DOCK4: variants seen among roughly 807,000 people sequenced by gnomAD.
DOCK4 encodes the protein dedicator of cytokinesis protein 4.
In DOCK4, 97 loss-of-function variants were observed where a neutral mutation model predicts 268.1. That is an observed-to-expected ratio of 0.36 (90% confidence interval 0.31 to 0.43). The LOEUF (loss-of-function observed/expected upper bound fraction) is 0.43, where lower values mean the gene tolerates loss of function less well. Ranked by LOEUF, DOCK4 falls within the 20% of genes least tolerant of loss-of-function variation. The pLI is 1.00. For synonymous variants in DOCK4, 954 were observed against 887.2 expected (o/e 1.08, Z -1.34); for missense variants, 2,145 against 2,455.7 (o/e 0.87, Z 2.67).
intron 52 of DOCK4, among the ~76,000 whole-genome samples, chr7:111,729,686 G>A (rs959294147): frequency 1.3e-5 from 2 of 152,150 alleles, no homozygotes; most frequent in African/African-American, 2.4e-5. Flanking sequence ...CACTTTCCCA[G>A]CTCAGCAGGG....
chr7:111,891,669 C>T (rs182493213), intron 16 of DOCK4, among the ~76,000 whole-genome samples: 12 of 152,284 alleles, frequency 7.9e-5, no homozygotes, highest in African/African-American at 2.9e-4. Context: ...TATTGCCAAA[C>T]TGCCCTCCAG....
At chr7:111,859,562 A>ATTTTT (rs140285833) in intron 23 of DOCK4, among the ~76,000 whole-genome samples, 1 of 102,176 alleles carries the variant, frequency 9.8e-6, no homozygotes, top group African/African-American at 4.6e-5. Flanking sequence ...GTGTGTGTTA[A>ATTTTT]TTTTTTTTTT....
At chr7:111,873,223 C>T (rs1343802587) in intron 17 of DOCK4, among the ~76,000 whole-genome samples, 1 of 152,220 alleles carries the variant, frequency 6.6e-6, no homozygotes, top group Non-Finnish European at 1.5e-5. Flanking sequence ...CTCTTTAACC[C>T]TTTCCTAAAC....
At chr7:112,159,203 C>A (rs1816872421) in intron 1 of DOCK4, among the ~76,000 whole-genome samples, 1 of 152,106 alleles carries the variant, frequency 6.6e-6, no homozygotes, top group Non-Finnish European at 1.5e-5. Flanking sequence ...CTCTACAAAA[C>A]CCTACCACCA....
In DOCK4 at chr7:111,760,135, G is replaced by A. The variant is rs754793206; in HGVS notation, c.4162+46C>T. ...TTGCATGGAAATGCTCTGCAGCTAA[G>A]AGCCAGTGCAATCTCACTGAGTCCA... is the stretch of plus-strand genomic sequence containing the variant. On this transcript the variant is annotated intron_variant, in intron 40 of 52. Transcript: ENST00000428084. 3.1e-6 allele frequency: 5 copies of A among 1,600,838 alleles called. No homozygotes were observed. The South Asian group carries it at 4.4e-5, about 14-fold the overall frequency.
At chr7:112,043,117 G>C (rs1183745964) in intron 1 of DOCK4, among the ~76,000 whole-genome samples, 1 of 151,982 alleles carries the variant, frequency 6.6e-6, no homozygotes, top group Non-Finnish European at 1.5e-5. Flanking sequence ...CAGGTATTCT[G>C]TTATAGCAAC....
intron 1 of DOCK4, among the ~76,000 whole-genome samples, chr7:112,079,932 G>A (rs1190479503): frequency 6.6e-6 from 1 of 151,994 alleles, no homozygotes; most frequent in East Asian, 1.9e-4. Flanking sequence ...CTGAATAATG[G>A]GTATAAATCT....
chr7:111,977,227 G>C lies in DOCK4; in HGVS notation c.606C>G (p.Leu202=). The change falls in exon 8 of 53, where the codon CTC becomes CTG. Residue 202 remains leucine, a synonymous_variant. Transcript: ENST00000428084. The stretch of plus-strand genomic sequence containing the variant: ...ACATGAGGCTCTTCATCTGGACAAA[G>C]AGGTGGTGACTGCTGGCCTGCACCG... ...DTPVQASSHH[L]FVQMKSLMCS... is the part of the protein sequence containing the mutation. 6.2e-7 allele frequency: 1 copy of C among 1,611,342 alleles called. No homozygotes were observed. Among genetic ancestry groups the C allele is most frequent in the East Asian group, 2.2e-5 (1 of 44,820 alleles).
chr7:111,790,403 T>C (rs1161977873), intron 31 of DOCK4, 54 bp downstream of exon 31: 1 of 1,584,106 alleles, frequency 6.3e-7, no homozygotes. Context: ...AGTTCACAGA[T>C]GCTTCAGGAG....
At chr7:111,808,792 T>G (rs1319521895) in intron 30 of DOCK4, 29 bp downstream of exon 30, 1 of 1,605,190 alleles carries the variant, frequency 6.2e-7, no homozygotes, top group Non-Finnish European at 8.5e-7. Context: ...AGCTGTATAG[T>G]AGATGTGGCT....
chr7:112,143,912 G>A (rs1425272191), intron 1 of DOCK4, among the ~76,000 whole-genome samples: 2 of 152,144 alleles, frequency 1.3e-5, no homozygotes, highest in South Asian at 2.1e-4. Flanking sequence ...GTAAGTTCTT[G>A]TTACATTTTC....
chr7:111,771,901 T>G (rs1798147329), intron 36 of DOCK4, among the ~76,000 whole-genome samples: 1 of 152,170 alleles, frequency 6.6e-6, no homozygotes, highest in Non-Finnish European at 1.5e-5. Context: ...TTACCTTCTT[T>G]GTCACTCAAA....
At chr7:111,890,230 TTTC>T (rs1250359749) in intron 16 of DOCK4, among the ~76,000 whole-genome samples, 1 of 152,196 alleles carries the variant, frequency 6.6e-6, no homozygotes, top group East Asian at 1.9e-4. Flanking sequence ...TTCATTCTCT[TTTC>T]TTAACTTTTT....
At chr7:111,958,504 C>T (rs894653931) in intron 8 of DOCK4, among the ~76,000 whole-genome samples, 1 of 152,106 alleles carries the variant, frequency 6.6e-6, no homozygotes, top group Non-Finnish European at 1.5e-5. Context: ...GTGAAAAGAA[C>T]ATCAATCTGG....
At chr7:112,113,778 T>G (rs1006470609) in intron 1 of DOCK4, among the ~76,000 whole-genome samples, 6 of 113,452 alleles carry the variant, frequency 5.3e-5, no homozygotes, top group African/African-American at 1.7e-4. Flanking sequence ...TTTTTTTTTT[T>G]GTAGAGACAG....
chr7:112,101,839 CTT>C (rs71866352), intron 1 of DOCK4, among the ~76,000 whole-genome samples: 47,766 of 150,388 alleles, frequency 0.32, 8,149 homozygotes, highest in Non-Finnish European at 0.38. Context: ...TTTTCTTTTT[CTT>C]TTTCTTTTTT....
At chr7:112,029,778 C>T in intron 1 of DOCK4, among the ~76,000 whole-genome samples, 1 of 152,150 alleles carries the variant, frequency 6.6e-6, no homozygotes, top group East Asian at 1.9e-4. Flanking sequence ...CCAATCTAAG[C>T]CCACTTAATT....
intron 12 of DOCK4, among the ~76,000 whole-genome samples, chr7:111,930,266 TC>T (rs1794090679): frequency 6.6e-6 from 1 of 152,234 alleles, no homozygotes. Context: ...TGCAATTTTC[TC>T]CCAGTTTCTA....
At chr7:111,788,492 C>A in intron 32 of DOCK4, 170 bp downstream of exon 32, 1 of 607,204 alleles carries the variant, frequency 1.6e-6, no homozygotes, top group Non-Finnish European at 3.0e-6. Flanking sequence ...TTATAAGATC[C>A]ATTCGCCAGA....
Sources: allele counts gnomAD v4.1 joint callset (sites outside exome capture counted in the v4.1 genomes callset), GRCh38; gene constraint gnomAD v4.1.1; transcripts MANE v1.5; gene names NCBI Gene and HGNC (gene_info 2026-07-23, HGNC 2026-07-21).